Variants in ZNF385D observed in about 807,000 individuals in gnomAD.
The protein encoded by ZNF385D is zinc finger protein 385D.
A neutral mutation model predicts 35.8 loss-of-function variants in ZNF385D; 15 were observed. The ratio of observed to expected loss-of-function variants is 0.42; its 90% CI spans 0.28 to 0.64. The LOEUF (loss-of-function observed/expected upper bound fraction) is 0.64, where lower values mean the gene tolerates loss of function less well. Among genes scored for constraint, ZNF385D ranks in the 30% least tolerant of loss-of-function variants. ZNF385D has a pLI of 0.23. For missense variants in ZNF385D, 474 were observed against 494.6 expected, an observed-to-expected ratio of 0.96 and a Z score of 0.39; for synonymous variants, 212 against 186.8, an observed-to-expected ratio of 1.13 and a Z score of -1.10.
chr3:21,583,158 TATATAAACTACA>T (rs1452608998), intron 2 of ZNF385D, among the ~76,000 whole-genome samples: 9 of 152,176 alleles, frequency 5.9e-5, no homozygotes, highest in African/African-American at 1.9e-4. Flanking sequence ...GGTGGCTTCC[TATATAAACTACA>T]ATATAAACTA....
At chr3:21,722,105 A>AC (rs2068567144) in intron 1 of ZNF385D, among the ~76,000 whole-genome samples, 2 of 151,670 alleles carry the variant, frequency 1.3e-5, no homozygotes, top group Admixed American at 6.6e-5. Context: ...GTCTCAAAAA[A>AC]AAAAAAAAAA....
chr3:21,719,470 A>G (rs1290048592), intron 1 of ZNF385D, among the ~76,000 whole-genome samples: 2 of 152,202 alleles, frequency 1.3e-5, no homozygotes, highest in African/African-American at 4.8e-5. Context: ...CCAGTAGGGA[A>G]TTTCCTCTGG....
chr3:22,160,252 G>T (rs1361027479), intron 3 of ZNF385D, among the ~76,000 whole-genome samples: 1 of 151,984 alleles, frequency 6.6e-6, no homozygotes, highest in Non-Finnish European at 1.5e-5. Flanking sequence ...TATAGATAAG[G>T]TATCATTAAG....
At chr3:21,694,739 C>A (rs993793257) in intron 1 of ZNF385D, among the ~76,000 whole-genome samples, 2 of 152,140 alleles carry the variant, frequency 1.3e-5, no homozygotes, top group Non-Finnish European at 2.9e-5. Context: ...TAGAATGCTT[C>A]TTGTTATGTA....
intron 2 of ZNF385D, among the ~76,000 whole-genome samples, chr3:22,198,670 C>A (rs1451090442): frequency 6.6e-6 from 1 of 151,998 alleles, no homozygotes; most frequent in Non-Finnish European, 1.5e-5. Context: ...AAACAAATGA[C>A]TACATATTTG....
At chr3:21,937,249 C>T (rs541866999) in intron 3 of ZNF385D, among the ~76,000 whole-genome samples, 2 of 151,830 alleles carry the variant, frequency 1.3e-5, no homozygotes, top group Non-Finnish European at 2.9e-5. Context: ...AATAAAAGTA[C>T]AATAAAGGTC....
At chr3:21,827,886 T>C (rs747932658) in intron 3 of ZNF385D, among the ~76,000 whole-genome samples, 49 of 152,218 alleles carry the variant, frequency 3.2e-4, no homozygotes, top group Non-Finnish European at 5.9e-4. Context: ...CATATGTTTC[T>C]ATATTCAAAG....
At chr3:21,815,399 G>A (rs1559650502) in intron 3 of ZNF385D, among the ~76,000 whole-genome samples, 1 of 152,126 alleles carries the variant, frequency 6.6e-6, no homozygotes, top group Non-Finnish European at 1.5e-5. Flanking sequence ...TCAAGGAGCT[G>A]TTTTTTGAAA....
chr3:21,663,172 A>G (rs961091390), intron 2 of ZNF385D, among the ~76,000 whole-genome samples: 6 of 152,198 alleles, frequency 3.9e-5, no homozygotes, highest in Non-Finnish European at 7.3e-5. Context: ...TAAAGAGACT[A>G]TCATACCTTT....
At chr3:21,564,971 A>G (rs1210660752) in intron 2 of ZNF385D, among the ~76,000 whole-genome samples, 1 of 152,214 alleles carries the variant, frequency 6.6e-6, no homozygotes, top group Non-Finnish European at 1.5e-5. Context: ...ATAACCCTTA[A>G]ATATAATTAA....
intron 2 of ZNF385D, among the ~76,000 whole-genome samples, chr3:21,594,298 G>T (rs1478432109): frequency 6.6e-6 from 1 of 152,164 alleles, no homozygotes; most frequent in African/African-American, 2.4e-5. Context: ...TGGGGTCTGT[G>T]TATTTTAATT....
Position 21,843,171 on chromosome 3 carries a change from T to C in ZNF385D, c.326-178143A>G, listed in dbSNP as rs543239056. On this transcript the variant is annotated intron_variant, in intron 3 of 5. Coordinates refer to the ZNF385D transcript ENST00000494108. Reference sequence around the variant, plus strand: ...AAGACAAGCTGAACAGGACAATCATTGTGTGGGGCTCTCTGAGCAGTTAGA... The same window carrying C: ...AAGACAAGCTGAACAGGACAATCATCGTGTGGGGCTCTCTGAGCAGTTAGA... Among the ~76,000 whole-genome samples the C allele has an allele frequency of 5.9e-5, 9 of 152,144 alleles. No homozygotes were observed. In the East Asian group the frequency reaches 1.4e-3, roughly 23 times the overall value.
At chr3:22,090,345 TAATC>T (rs1360736555) in intron 3 of ZNF385D, among the ~76,000 whole-genome samples, 1 of 152,114 alleles carries the variant, frequency 6.6e-6, no homozygotes, top group Admixed American at 6.6e-5. Context: ...CACAATTAAT[TAATC>T]AAACTATTGC....
intron 1 of ZNF385D, among the ~76,000 whole-genome samples, chr3:21,688,592 G>T (rs1311005500): frequency 6.6e-6 from 1 of 152,042 alleles, no homozygotes; most frequent in Non-Finnish European, 1.5e-5. Context: ...TCCTTTAGGT[G>T]GTTTTATCAA....
chr3:21,462,340 A>G (rs960312115), intron 4 of ZNF385D, among the ~76,000 whole-genome samples: 1 of 152,208 alleles, frequency 6.6e-6, no homozygotes, highest in African/African-American at 2.4e-5. Flanking sequence ...GTAAGCAGAC[A>G]TTCATCATAG....
chr3:21,603,016 T>G (rs1426184957), intron 2 of ZNF385D, among the ~76,000 whole-genome samples: 1 of 152,196 alleles, frequency 6.6e-6, no homozygotes, highest in Non-Finnish European at 1.5e-5. Context: ...CCTCTGTCCA[T>G]ATCAGGAAAC....
At chr3:21,968,864 C>T (rs1294301257) in intron 3 of ZNF385D, among the ~76,000 whole-genome samples, 1 of 152,180 alleles carries the variant, frequency 6.6e-6, no homozygotes, top group African/African-American at 2.4e-5. Context: ...AGGACTTTGC[C>T]TCACAGCTTG....
intron 2 of ZNF385D, among the ~76,000 whole-genome samples, chr3:22,200,360 G>C (rs867760877): frequency 6.6e-6 from 1 of 152,024 alleles, no homozygotes; most frequent in African/African-American, 2.4e-5. Context: ...ATCACATGTC[G>C]GTAGGTTCCA....
intron 3 of ZNF385D, among the ~76,000 whole-genome samples, chr3:22,065,684 G>T (rs1442323368): frequency 6.6e-6 from 1 of 152,144 alleles, no homozygotes; most frequent in Non-Finnish European, 1.5e-5. Context: ...ATCTAAAAGT[G>T]TATGTGTGTG....
Sources: allele counts gnomAD v4.1 joint callset (sites outside exome capture counted in the v4.1 genomes callset), GRCh38; gene constraint gnomAD v4.1.1; transcripts MANE v1.5; gene names NCBI Gene and HGNC (gene_info 2026-07-23, HGNC 2026-07-21).